Variants in FLACC1 observed in about 807,000 individuals in gnomAD.
FLACC1 encodes flagellum associated containing coiled-coil domains 1.
In FLACC1, 66 loss-of-function variants were observed where a neutral mutation model predicts 62.8. That is an observed-to-expected ratio of 1.05 (90% confidence interval 0.86 to 1.29). FLACC1 has a LOEUF of 1.29. Ranked by LOEUF, FLACC1 falls within the 50% of genes most tolerant of loss-of-function variation. The probability of loss-of-function intolerance (pLI) is 0.00; values close to 1 mark genes in which losing one functional copy is unlikely to be tolerated. For synonymous variants in FLACC1, 156 were observed against 161.0 expected (o/e 0.97, Z 0.24); for missense variants, 452 against 489.1 (o/e 0.92, Z 0.71).
intron 11 of FLACC1, among the ~76,000 whole-genome samples, chr2:201,301,307 G>A (rs928532459): frequency 6.6e-6 from 1 of 152,122 alleles, no homozygotes; most frequent in Non-Finnish European, 1.5e-5. Flanking sequence ...TAGCTGATTC[G>A]ATCAAGTGGA....
chr2:201,349,249 C>G (rs971034183), intron 3 of FLACC1, among the ~76,000 whole-genome samples: 1 of 152,202 alleles, frequency 6.6e-6, no homozygotes, highest in Non-Finnish European at 1.5e-5. Context: ...TGGAAGAGGT[C>G]AGACATGCCA....
intron 7 of FLACC1, among the ~76,000 whole-genome samples, chr2:201,336,407 C>G (rs919403059): frequency 1.3e-5 from 2 of 152,080 alleles, no homozygotes; most frequent in African/African-American, 4.8e-5. Context: ...TCCAGTCCAC[C>G]ACTGATGGGC....
At chr2:201,295,792 C>T (rs1447730867) in intron 12 of FLACC1, among the ~76,000 whole-genome samples, 1 of 152,150 alleles carries the variant, frequency 6.6e-6, no homozygotes, top group African/African-American at 2.4e-5. Context: ...CCAGAATCTA[C>T]AATGAACTCA....
intron 9 of FLACC1, among the ~76,000 whole-genome samples, chr2:201,312,704 G>A (rs545785787): frequency 8.6e-5 from 13 of 151,886 alleles, no homozygotes; most frequent in Non-Finnish European, 1.6e-4. Context: ...GATGGTGGAC[G>A]GGAAGCAGGA....
chr2:201,341,868 CT>C (rs1950817386), intron 7 of FLACC1, among the ~76,000 whole-genome samples: 1 of 152,132 alleles, frequency 6.6e-6, no homozygotes, highest in African/African-American at 2.4e-5. Flanking sequence ...CTCTGTCTTT[CT>C]GTATTTGGAC....
rs370958981 is a variant in FLACC1 at position 201,298,571 on chromosome 2, A to G, written c.942+667T>C. ...CTGGGTATATCTTCCTCCAAAGCCCATTTCTTGAACTTGTAGGACACCACA... is the reference window on the plus strand; with the variant it reads ...CTGGGTATATCTTCCTCCAAAGCCCGTTTCTTGAACTTGTAGGACACCACA... On this transcript the variant is annotated intron_variant, in intron 12 of 14. Coordinates refer to ENST00000392257, the MANE Select transcript of FLACC1 (RefSeq NM_001127391.3). Among the ~76,000 whole-genome samples, 4 of 152,220 alleles carry G rather than the reference A, an allele frequency of 2.6e-5. 1 individual carries two copies. The South Asian group carries it at 6.2e-4, about 24-fold the overall frequency.
upstream of FLACC1, among the ~76,000 whole-genome samples, chr2:201,358,255 C>T (rs1205766114): frequency 6.6e-6 from 1 of 152,262 alleles, no homozygotes; most frequent in East Asian, 1.9e-4. Context: ...GAGACAGTAG[C>T]TCACTCTGTT....
intron 7 of FLACC1, among the ~76,000 whole-genome samples, chr2:201,337,955 T>C (rs1409490701): frequency 2.0e-5 from 3 of 152,220 alleles, no homozygotes; most frequent in African/African-American, 4.8e-5. Context: ...CTGTGAAAAG[T>C]GACATTGGTA....
At chr2:201,334,351 T>C (rs1350133021) in intron 7 of FLACC1, among the ~76,000 whole-genome samples, 1 of 152,226 alleles carries the variant, frequency 6.6e-6, no homozygotes, top group African/African-American at 2.4e-5. Context: ...ATCCTTTCAA[T>C]ATGTTGCTGA....
At chr2:201,323,657 C>T (rs1018325472) in intron 9 of FLACC1, among the ~76,000 whole-genome samples, 1 of 151,758 alleles carries the variant, frequency 6.6e-6, no homozygotes, top group Non-Finnish European at 1.5e-5. Context: ...TGTGATTGTG[C>T]ATGCTTGTAA....
intron 7 of FLACC1, among the ~76,000 whole-genome samples, chr2:201,333,397 GATTT>G (rs908836301): frequency 3.3e-5 from 5 of 151,878 alleles, no homozygotes; most frequent in South Asian, 2.1e-4. Flanking sequence ...TTTTTAATTG[GATTT>G]ATTTATTTAT....
At chr2:201,349,076 C>T (rs766788960) in intron 3 of FLACC1, among the ~76,000 whole-genome samples, 10 of 152,224 alleles carry the variant, frequency 6.6e-5, no homozygotes, top group Non-Finnish European at 1.5e-4. Context: ...TCCTCTTTGG[C>T]AAGTAACATA....
At position 201,288,633 on chromosome 2, in the gene FLACC1, A is replaced by G; in HGVS notation, c.*22T>C. 1 of 1,612,260 alleles carries G rather than the reference A, an allele frequency of 6.2e-7. No homozygotes were observed. Among genetic ancestry groups the G allele is most frequent in the East Asian group, 2.2e-5 (1 of 44,858 alleles). On this transcript the variant is annotated 3_prime_UTR_variant, in exon 15 of 15. Transcript: ENST00000392257. ...AGAAATGGTGTGCCAACCATCTTCA[A>G]CAATGCAGAGCAACTTTTTGTTTAT... is the stretch of plus-strand genomic sequence containing the variant.
At chr2:201,297,596 T>C (rs533159805) in intron 12 of FLACC1, among the ~76,000 whole-genome samples, 95 of 152,270 alleles carry the variant, frequency 6.2e-4, no homozygotes, top group Non-Finnish European at 9.0e-4. Context: ...AGGTGAAGCA[T>C]TCCTTGGATT....
rs375411524 is a variant in FLACC1 at position 201,351,415 on chromosome 2, C to G, written c.-11G>C. Reference sequence around the variant, plus strand: ...AGGGTTGGGGTACATGGCCAAAGGTCAGGGGGAGTCTTGGCTGCTAGATCA... The same window carrying G: ...AGGGTTGGGGTACATGGCCAAAGGTGAGGGGGAGTCTTGGCTGCTAGATCA... On this transcript the variant is annotated 5_prime_UTR_variant, in exon 2 of 15. Transcript: ENST00000392257. 99 of 1,595,960 alleles carry G rather than the reference C, an allele frequency of 6.2e-5. 1 individual carries two copies. The African/African-American group carries it at 1.2e-3, about 19-fold the overall frequency.
intron 9 of FLACC1, among the ~76,000 whole-genome samples, chr2:201,312,363 T>C (rs1950232922): frequency 6.6e-6 from 1 of 151,982 alleles, no homozygotes; most frequent in African/African-American, 2.4e-5. Context: ...CCTAAAAATA[T>C]AGCTAACCAA....
At chr2:201,317,126 T>C (rs969622399) in intron 9 of FLACC1, among the ~76,000 whole-genome samples, 1 of 152,116 alleles carries the variant, frequency 6.6e-6, no homozygotes, top group East Asian at 1.9e-4. Flanking sequence ...GCATTCCCAC[T>C]GAGGACTGGA....
chr2:201,345,736 T>C (rs1480677732), intron 5 of FLACC1, among the ~76,000 whole-genome samples: 3 of 152,148 alleles, frequency 2.0e-5, no homozygotes, highest in African/African-American at 7.2e-5. Flanking sequence ...GAGATATACT[T>C]GATATGGCAT....
the FLACC1 span, among the ~76,000 whole-genome samples, chr2:201,362,556 T>C: frequency 2.0e-5 from 3 of 152,114 alleles, no homozygotes; most frequent in Non-Finnish European, 4.4e-5. Context: ...GAAGCCCTAG[T>C]ACATGGGAGA....
Sources: gnomAD v4.1 joint callset for allele counts (sites outside exome capture counted in the v4.1 genomes callset) on GRCh38, gnomAD v4.1.1 for gene constraint, MANE v1.5 for transcripts, NCBI Gene and HGNC (gene_info 2026-07-23, HGNC 2026-07-21) for gene names.